The following LMTK3 variants were observed in gnomAD, a reference collection of about 807,000 sequenced individuals.
LMTK3 encodes lemur tail kinase 3, also known as serine/threonine-protein kinase LMTK3.
LMTK3 carries 27 observed loss-of-function variants against 116.7 expected under a neutral mutation model. The ratio of observed to expected loss-of-function variants is 0.23; its 90% CI spans 0.17 to 0.32. LMTK3 has a LOEUF of 0.32. Ranked by LOEUF, LMTK3 falls within the 10% of genes least tolerant of loss-of-function variation. LMTK3 has a pLI of 1.00. For missense variants in LMTK3, 1,764 were observed against 2,068.5 expected (o/e 0.85, Z 2.86); for synonymous variants, 965 against 971.0 (o/e 0.99, Z 0.11).
chr19:48,512,407 G>T (rs1972678146), upstream of LMTK3, among the ~76,000 whole-genome samples: 1 of 151,992 alleles, frequency 6.6e-6, no homozygotes, highest in South Asian at 2.1e-4. Flanking sequence ...AGACGCACAC[G>T]CCACAGACAA....
intron 5 of LMTK3, among the ~76,000 whole-genome samples, chr19:48,506,034 C>T (rs1972563216): frequency 6.7e-6 from 1 of 148,378 alleles, no homozygotes; most frequent in Admixed American, 6.8e-5. Flanking sequence ...CGCAGCTACT[C>T]TGGAGGCTGA....
chr19:48,493,328 T>A (rs1216970324), intron 12 of LMTK3, among the ~76,000 whole-genome samples: 1 of 68,548 alleles, frequency 1.5e-5, no homozygotes, highest in African/African-American at 5.6e-5. Context: ...CGCCCTGGGC[T>A]CCGCCCCCCA....
At chr19:48,511,327 C>T (rs943497669) in intron 1 of LMTK3, among the ~76,000 whole-genome samples, 174 bp downstream of exon 1, 11 of 152,102 alleles carry the variant, frequency 7.2e-5, no homozygotes, top group Non-Finnish European at 1.2e-4. Context: ...CCCAGCCTCC[C>T]TCCCACAGGC....
intron 14 of LMTK3, among the ~76,000 whole-genome samples, chr19:48,488,469 C>T (rs1178858350): frequency 6.6e-6 from 1 of 152,112 alleles, no homozygotes; most frequent in African/African-American, 2.4e-5. Flanking sequence ...ACATTGACTT[C>T]CCTCCCTTGC....
chr19:48,497,699 CG>C lies in LMTK3; in HGVS notation c.3369del (p.Gly1124AlafsTer15). The C allele has an allele frequency of 3.0e-6, 4 of 1,318,646 alleles. No homozygotes were observed. The highest frequency in any genetic ancestry group is 2.2e-4 in the Middle Eastern group (1 of 4,614). The allele number at this position is 1,318,646 out of a possible 1,614,324, so 81.7% of individuals were successfully genotyped here. A position where few individuals can be genotyped will look rare whatever the true frequency, so the allele number is the denominator to read the frequency against. On this transcript the variant is annotated frameshift_variant, in exon 11 of 15. Transcript: ENST00000600059. LOFTEE classifies it high-confidence loss of function. The surrounding 1 kb of genome is among the most constrained non-coding windows in gnomAD (Gnocchi z 5.7). ...GRAPVGTGTA[P>X]GGGPGSGVDA... ...TCCACGCCGCTTCCGGGGCCGCCGC[CG>C]GGGGCCGTCCCCGTGCCCACTGGGG...
rs374512345 is a variant in LMTK3, at chr19:48,501,596, G to A, written c.795-34C>T. 63 of 1,569,288 alleles carry A rather than the reference G, an allele frequency of 4.0e-5. No individual in the cohort carries two copies. In the African/African-American group the frequency reaches 4.2e-4, roughly 10 times the overall value. On this transcript the variant is annotated intron_variant, in intron 7 of 14. Coordinates refer to ENST00000600059, the MANE Select transcript of LMTK3 (RefSeq NM_001388485.1). The stretch of plus-strand genomic sequence containing the variant: ...AGAACGCGAGGAGGTGAGCGCAGGG[G>A]CAGCCCTCCAGCCACGCCCTGACCC...
At chr19:48,502,807 C>CGAT (rs981847356) in intron 6 of LMTK3, 102 bp downstream of exon 6, 9 of 936,062 alleles carry the variant, frequency 9.6e-6, no homozygotes, top group African/African-American at 3.3e-5. Flanking sequence ...ACATCATCTA[C>CGAT]GATGATGATG....
Position 48,491,602 on chromosome 19 carries a change from C to G in LMTK3, c.4093-63G>C. 3 of 1,266,472 alleles carry G rather than the reference C, an allele frequency of 2.4e-6. No individual in the cohort carries two copies. The highest frequency in any genetic ancestry group is 3.0e-6 in the Non-Finnish European group (3 of 992,200). 78.5% of individuals were successfully genotyped at this position (1,266,472 alleles called of 1,614,324 possible). ...ACCTTCACGTCCCATTTACCGCATC[C>G]CCCAAAAGCAACAAAACCGGCTAAT... On this transcript the variant is annotated intron_variant, in intron 12 of 14. Coordinates refer to ENST00000600059, the MANE Select transcript of LMTK3 (RefSeq NM_001388485.1). This position sits in a 1 kb window ranked among gnomAD's most constrained non-coding sequence, Gnocchi z 5.1.
Position 48,491,558 on chromosome 19 carries a change from G to A in LMTK3, c.4093-19C>T, listed in dbSNP as rs2147531504. On this transcript the variant is annotated intron_variant, in intron 12 of 14. Transcript: ENST00000600059. The surrounding 1 kb of genome is among the most constrained non-coding windows in gnomAD (Gnocchi z 5.1). ...GCGTCTCCTGTGAAGGCAGATTAGGGGGAAGCCAGAGGGGACAAACCTTCA... is the reference window on the plus strand; with the variant it reads ...GCGTCTCCTGTGAAGGCAGATTAGGAGGAAGCCAGAGGGGACAAACCTTCA... The A allele has an allele frequency of 7.4e-7, 1 of 1,355,322 alleles. No homozygotes were observed. The highest frequency in any genetic ancestry group is 9.6e-7 in the Non-Finnish European group (1 of 1,045,966). 84.0% of individuals were successfully genotyped at this position (1,355,322 alleles called of 1,614,324 possible).
In LMTK3 at chr19:48,498,967, G is replaced by A; in HGVS notation, c.2102C>T (p.Pro701Leu). 3 of 1,335,914 alleles carry A rather than the reference G, an allele frequency of 2.2e-6. No homozygotes were observed. Among genetic ancestry groups the A allele is most frequent in the Non-Finnish European group, 2.9e-6 (3 of 1,045,588 alleles). The allele number at this position is 1,335,914 out of a possible 1,614,324, so 82.8% of individuals were successfully genotyped here. ...GWGGHPALGC[P>L]HPPEDDSSLR... ...CGAGGAGTCGTCCTCGGGGGGGTGGGGGCAGCCAAGAGCAGGGTGGCCTCC... is the reference window on the plus strand; with the variant it reads ...CGAGGAGTCGTCCTCGGGGGGGTGGAGGCAGCCAAGAGCAGGGTGGCCTCC... Residue 701 changes from proline to leucine, a missense_variant, in exon 11 of 15, where the codon CCC becomes CTC. Around this residue, in one of 7 missense-constraint regions of LMTK3, gnomAD observed 1,028 missense variants for 1,050.6 expected, o/e 0.98. Coordinates refer to ENST00000600059, the MANE Select transcript of LMTK3 (RefSeq NM_001388485.1).
rs1972235599 is a variant in LMTK3 at position 48,491,982 on chromosome 19, C to G, written c.4093-443G>C. On this transcript the variant is annotated intron_variant, in intron 12 of 14. Transcript: ENST00000600059. The surrounding 1 kb of genome is among the most constrained non-coding windows in gnomAD (Gnocchi z 5.1). ...GCCGTGCTGGATGCTGTGACCCTGC[C>G]CCTGAGCCCTCCCTCAGAAGTAGAC... Among the ~76,000 whole-genome samples, 1 of 152,040 alleles carries G rather than the reference C, an allele frequency of 6.6e-6. No individual in the cohort carries two copies. The highest frequency in any genetic ancestry group is 2.4e-5 in the African/African-American group (1 of 41,390).
chr19:48,491,621 G>T lies in LMTK3; in HGVS notation c.4093-82C>A, dbSNP rs1972228475. ...CGCATCCCCCAAAAGCAACAAAACC[G>T]GCTAATATTTCTGGGGCTCTAGGAA... On this transcript the variant is annotated intron_variant, in intron 12 of 14. Transcript: ENST00000600059. This position sits in a 1 kb window ranked among gnomAD's most constrained non-coding sequence, Gnocchi z 5.1. 1.7e-6 allele frequency: 2 copies of T among 1,199,120 alleles called. No homozygotes were observed. Among genetic ancestry groups the T allele is most frequent in the African/African-American group, 3.2e-5 (2 of 63,408 alleles). The allele number at this position is 1,199,120 out of a possible 1,614,324, so 74.3% of individuals were successfully genotyped here.
At chr19:48,501,608 C>G (rs763028601) in intron 7 of LMTK3, 46 bp from the exon 8 acceptor site, 90 of 1,542,042 alleles carry the variant, frequency 5.8e-5, no homozygotes, top group Admixed American at 1.5e-4. Context: ...AGCCCTCCAG[C>G]CACGCCCTGA....
Position 48,508,832 on chromosome 19 carries a change from A to AAGC in LMTK3, c.557+18_557+19insGCT. 2 of 1,586,234 alleles carry AAGC rather than the reference A, an allele frequency of 1.3e-6. No individual in the cohort carries two copies. The highest frequency in any genetic ancestry group is 1.7e-6 in the Non-Finnish European group (2 of 1,154,656). On this transcript the variant is annotated intron_variant, in intron 5 of 14. Coordinates refer to ENST00000600059, the MANE Select transcript of LMTK3 (RefSeq NM_001388485.1). ...TGTCACCTCAACAAGGCACACACCC[A>AAGC]CTGAGAAACCCTCAGTACCTGTACG... is the stretch of plus-strand genomic sequence containing the variant.
chr19:48,505,807 G>A (rs1393868534), intron 5 of LMTK3, among the ~76,000 whole-genome samples: 4 of 150,788 alleles, frequency 2.7e-5, no homozygotes, highest in African/African-American at 9.8e-5. Flanking sequence ...ATTGCAGTGA[G>A]CTGAGGCCCC....
chr19:48,501,975 GCTC>G (rs1569105222), intron 7 of LMTK3, among the ~76,000 whole-genome samples: 1 of 55,486 alleles, frequency 1.8e-5, no homozygotes, highest in Non-Finnish European at 3.3e-5. Flanking sequence ...CCCTCCCCTG[GCTC>G]CTCTTCCCTC....
Position 48,503,101 on chromosome 19 carries a change from TTTTG to T in LMTK3, c.558-109_558-106del, listed in dbSNP as rs372430371. 2.3e-3 allele frequency: 1,648 copies of T among 730,612 alleles called. 25 individuals are homozygous for T. The African/African-American group carries it at 0.023, about 10-fold the overall frequency. The allele number at this position is 730,612 out of a possible 1,614,324, so 45.3% of individuals were successfully genotyped here. On this transcript the variant is annotated intron_variant, in intron 5 of 14. Transcript: ENST00000600059. The stretch of plus-strand genomic sequence containing the variant: ...TGCTGCCTCCACCCTTTTTTGTTGT[TTTTG>T]TTTGTTTGTTTGTTTTGAGACGGAG...
chr19:48,489,610 G>GT (rs1187942695), intron 14 of LMTK3, among the ~76,000 whole-genome samples: 4 of 152,132 alleles, frequency 2.6e-5, no homozygotes, highest in Admixed American at 6.6e-5. Context: ...ATAGCTAATG[G>GT]TTAGAGACTG....
Position 48,497,481 on chromosome 19 carries a change from G to C in LMTK3, c.3588C>G (p.Asp1196Glu). 6.7e-7 allele frequency: 1 copy of C among 1,495,666 alleles called. No homozygotes were observed. Among genetic ancestry groups the C allele is most frequent in the Non-Finnish European group, 8.9e-7 (1 of 1,126,402 alleles). 92.6% of individuals were successfully genotyped at this position (1,495,666 alleles called of 1,614,324 possible). A position where few individuals can be genotyped will look rare whatever the true frequency, so the allele number is the denominator to read the frequency against. Residue 1196 changes from aspartate to glutamate, a missense_variant, in exon 11 of 15, where the codon GAC becomes GAG. Asp to Glu is a conservative substitution (Grantham distance 45, BLOSUM62 2). Coordinates refer to ENST00000600059, the MANE Select transcript of LMTK3 (RefSeq NM_001388485.1). The surrounding 1 kb of genome is among the most constrained non-coding windows in gnomAD (Gnocchi z 5.7). ...GGCCCTTCCTCTCGGGCTTGGGGGGGTCCCCGTCTCCGCTGAGTGCCGTGT... is the reference window on the plus strand; with the variant it reads ...GGCCCTTCCTCTCGGGCTTGGGGGGCTCCCCGTCTCCGCTGAGTGCCGTGT... ...GGDTALSGDGDPPKPERKGPE... is the reference protein window; with the variant it reads ...GGDTALSGDGEPPKPERKGPE...
Sources: allele counts gnomAD v4.1 joint callset (sites outside exome capture counted in the v4.1 genomes callset), GRCh38; gene constraint gnomAD v4.1.1; regional missense constraint gnomAD v4.1.1; non-coding constraint Gnocchi (gnomAD v3.1); transcripts MANE v1.5; gene names NCBI Gene and HGNC (gene_info 2026-07-23, HGNC 2026-07-21).